The following FSTL5 variants were observed in gnomAD, a reference collection of about 807,000 sequenced individuals.
FSTL5 encodes follistatin-related protein 5.
In FSTL5, 62 loss-of-function variants were observed where a neutral mutation model predicts 89.1. That is an observed-to-expected ratio of 0.70 (90% CI 0.57 to 0.86). The LOEUF (loss-of-function observed/expected upper bound fraction) is 0.86, where lower values mean the gene tolerates loss of function less well. FSTL5 is among the 40% of genes least tolerant of loss of function. The pLI is 0.00. For missense variants in FSTL5, 1,057 were observed against 1,001.6 expected (o/e 1.06, Z -0.75); for synonymous variants, 383 against 346.2 (o/e 1.11, Z -1.18).
chr4:162,153,661 A>AATATATGTATATTATATATGTATATAAT (rs1561048787), intron 1 of FSTL5, among the ~76,000 whole-genome samples: 7 of 79,108 alleles, frequency 8.8e-5, no homozygotes, highest in Admixed American at 5.1e-4. Context: ...ATATGTATAT[A>AATATATGTATATTATATATGTATATAAT]ATATATGTAT....
rs540776482 is a variant in FSTL5 at position 161,393,044 on chromosome 4, G to A, written c.1842-6595C>T. On this transcript the variant is annotated intron_variant, in intron 15 of 15. Transcript: ENST00000306100. Reference sequence around the variant, plus strand: ...CCAGGTATGGTGCCATGCATCTGTAGTCCCAGCTACTTGGGAGGCTGCGGT... The same window carrying A: ...CCAGGTATGGTGCCATGCATCTGTAATCCCAGCTACTTGGGAGGCTGCGGT... Among the ~76,000 whole-genome samples, 666 of 151,912 alleles carry A rather than the reference G, an allele frequency of 4.4e-3. 8 individuals carry two copies. The highest frequency in any genetic ancestry group is 9.2e-3 in the South Asian group (44 of 4,808).
At chr4:161,858,537 C>T (rs978633242) in intron 4 of FSTL5, among the ~76,000 whole-genome samples, 4 of 152,170 alleles carry the variant, frequency 2.6e-5, no homozygotes, top group African/African-American at 4.8e-5. Context: ...ATCCTACATT[C>T]CCATAAAATA....
intron 4 of FSTL5, among the ~76,000 whole-genome samples, chr4:161,915,538 A>T (rs1733814796): frequency 1.3e-5 from 2 of 152,174 alleles, no homozygotes; most frequent in Non-Finnish European, 2.9e-5. Context: ...AGGTAAACAT[A>T]TAAAATATGT....
chr4:161,546,294 A>T (rs909023050), intron 8 of FSTL5, among the ~76,000 whole-genome samples: 1 of 145,566 alleles, frequency 6.9e-6, no homozygotes, highest in Non-Finnish European at 1.5e-5. Context: ...TATACATATT[A>T]TATATATATA....
intron 4 of FSTL5, among the ~76,000 whole-genome samples, chr4:161,822,844 T>C (rs1730534392): frequency 6.6e-6 from 1 of 152,228 alleles, no homozygotes; most frequent in East Asian, 1.9e-4. Context: ...TTTCACTGAA[T>C]GACAGAACAG....
chr4:161,553,002 GA>G (rs1350209290), intron 8 of FSTL5, among the ~76,000 whole-genome samples: 1 of 151,536 alleles, frequency 6.6e-6, no homozygotes, highest in African/African-American at 2.4e-5. Context: ...AAAAGAAACT[GA>G]TAAAGACTAC....
At chr4:161,678,931 G>A (rs1469015509) in intron 6 of FSTL5, among the ~76,000 whole-genome samples, 4 of 151,600 alleles carry the variant, frequency 2.6e-5, no homozygotes, top group South Asian at 2.1e-4. Context: ...ATCAAATGGC[G>A]ATATCATTAA....
intron 7 of FSTL5, among the ~76,000 whole-genome samples, chr4:161,599,026 A>G (rs1252999369): frequency 6.6e-6 from 1 of 152,158 alleles, no homozygotes; most frequent in East Asian, 1.9e-4. Flanking sequence ...CTTATTTGTA[A>G]AAATACATTA....
chr4:161,884,924 G>A (rs1732751918), intron 4 of FSTL5, among the ~76,000 whole-genome samples: 1 of 152,014 alleles, frequency 6.6e-6, no homozygotes, highest in Admixed American at 6.6e-5. Context: ...TATTCTGGTG[G>A]TAGTCATTGC....
intron 6 of FSTL5, among the ~76,000 whole-genome samples, chr4:161,656,709 T>C (rs1736531458): frequency 6.6e-6 from 1 of 152,166 alleles, no homozygotes; most frequent in South Asian, 2.1e-4. Flanking sequence ...GGCACAGAAC[T>C]ATTAAGCATG....
chr4:161,390,928 T>G (rs1730801562), intron 15 of FSTL5, among the ~76,000 whole-genome samples: 1 of 152,102 alleles, frequency 6.6e-6, no homozygotes, highest in African/African-American at 2.4e-5. Flanking sequence ...GACCAAATGC[T>G]TCCTCTCCAT....
chr4:161,626,257 A>G (rs1311989821), intron 7 of FSTL5, among the ~76,000 whole-genome samples: 1 of 152,180 alleles, frequency 6.6e-6, no homozygotes, highest in African/African-American at 2.4e-5. Context: ...TTAAAGCTTT[A>G]AAAAACAGGC....
At chr4:162,079,623 A>G (rs1011330342) in intron 2 of FSTL5, among the ~76,000 whole-genome samples, 7 of 151,554 alleles carry the variant, frequency 4.6e-5, no homozygotes, top group Admixed American at 2.0e-4. Context: ...TTGTTAAAAT[A>G]TGATACAATT....
At chr4:161,557,109 C>T (rs1483930323) in intron 8 of FSTL5, among the ~76,000 whole-genome samples, 3 of 151,360 alleles carry the variant, frequency 2.0e-5, no homozygotes, top group Middle Eastern at 3.7e-3. Context: ...AAAAAGCACT[C>T]TTAAATAAAG....
chr4:161,756,186 A>G (rs1040146270), intron 6 of FSTL5, among the ~76,000 whole-genome samples: 2 of 151,368 alleles, frequency 1.3e-5, no homozygotes, highest in Non-Finnish European at 2.9e-5. Context: ...TAGAAAAAAC[A>G]TTATTTCCAC....
intron 5 of FSTL5, among the ~76,000 whole-genome samples, chr4:161,766,910 T>TC (rs1741027318): frequency 2.8e-5 from 3 of 106,748 alleles, no homozygotes; most frequent in Admixed American, 1.9e-4. Flanking sequence ...ATAGATCGAT[T>TC]GATAGATAGA....
intron 3 of FSTL5, among the ~76,000 whole-genome samples, chr4:162,012,309 T>C (rs1001108420): frequency 6.6e-6 from 1 of 152,186 alleles, no homozygotes; most frequent in Non-Finnish European, 1.5e-5. Context: ...ATTTTGATAC[T>C]TTTTCAGCTG....
At chr4:161,906,845 T>C (rs1385423019) in intron 4 of FSTL5, among the ~76,000 whole-genome samples, 2 of 152,148 alleles carry the variant, frequency 1.3e-5, no homozygotes, top group Non-Finnish European at 2.9e-5. Context: ...TGACATACTC[T>C]TTATTTTATA....
intron 6 of FSTL5, among the ~76,000 whole-genome samples, chr4:161,661,057 C>T (rs1237032596): frequency 5.3e-5 from 8 of 151,962 alleles, no homozygotes; most frequent in Admixed American, 1.3e-4. Flanking sequence ...TCGTGGAAGA[C>T]GGTATGGCAA....
Sources: gnomAD v4.1 joint callset for allele counts (sites outside exome capture counted in the v4.1 genomes callset) on GRCh38, gnomAD v4.1.1 for gene constraint, MANE v1.5 for transcripts, NCBI Gene and HGNC (gene_info 2026-07-23, HGNC 2026-07-21) for gene names.